The following LSM6 variants were observed in gnomAD, a reference collection of about 807,000 sequenced individuals.
LSM6 encodes the protein U6 snRNA-associated Sm-like protein LSm6.
Under a neutral mutation model 13.5 loss-of-function variants are expected in LSM6, and 2 were observed. The observed-to-expected ratio is 0.15, with a 90% CI of 0.06 to 0.47. LSM6 has a LOEUF of 0.47. Ranked by LOEUF, LSM6 falls within the 20% of genes least tolerant of loss-of-function variation. The probability of loss-of-function intolerance (pLI) is 0.97; values close to 1 mark genes in which losing one functional copy is unlikely to be tolerated. For synonymous variants in LSM6, 43 were observed against 34.9 expected (o/e 1.23, Z -0.82); for missense variants, 58 against 96.4 (o/e 0.60, Z 1.67).
rs908578570 is a variant in LSM6, at chr4:146,190,588, A to G, written c.*932A>G. The G allele has an allele frequency of 2.0e-5, 3 of 152,224 alleles. No individual in the cohort carries two copies. Among genetic ancestry groups the G allele is most frequent in the African/African-American group, 7.2e-5 (3 of 41,438 alleles). The allele number at this position is 152,224 out of a possible 1,614,324, so 9.4% of individuals were successfully genotyped here. On this transcript the variant is annotated 3_prime_UTR_variant, in exon 4 of 4. Transcript: ENST00000296581. Reference sequence around the variant, plus strand: ...AAAATCAGCTGTATTTGCCTTTGACATTGTCCAGGAGCAGAGCACCAGGCT... The same window carrying G: ...AAAATCAGCTGTATTTGCCTTTGACGTTGTCCAGGAGCAGAGCACCAGGCT...
At chr4:146,176,333 C>T (rs971127209) in intron 1 of LSM6, 1 of 152,282 alleles carries the variant, frequency 6.6e-6, no homozygotes, top group Admixed American at 6.5e-5. Context: ...CCTGTCTTAC[C>T]AAGTTGTCAG....
intron 1 of LSM6, among the ~76,000 whole-genome samples, chr4:146,177,183 C>T (rs1730130330): frequency 6.6e-6 from 1 of 152,152 alleles, no homozygotes; most frequent in Admixed American, 6.5e-5. Context: ...TTATCCAAGT[C>T]ACACAGCTAA....
intron 3 of LSM6, among the ~76,000 whole-genome samples, chr4:146,188,985 CTT>C (rs574933137): frequency 0.23 from 30,756 of 130,968 alleles, 3,839 homozygotes; most frequent in Middle Eastern, 0.31. Context: ...TGAAAAGCAT[CTT>C]TTTTTTTTTT....
Position 146,190,720 on chromosome 4 carries a change from A to G in LSM6, c.*1064A>G, listed in dbSNP as rs1405203057. ...CACAACCCTGCTTTATTCTCCAAAC[A>G]GTTTTACGCTGTCTCTAGGAACAAC... On this transcript the variant is annotated 3_prime_UTR_variant, in exon 4 of 4. Transcript: ENST00000296581. 1 of 152,230 alleles carries G rather than the reference A, an allele frequency of 6.6e-6. No homozygotes were observed. The highest frequency in any genetic ancestry group is 1.5e-5 in the Non-Finnish European group (1 of 68,048). 9.4% of individuals were successfully genotyped at this position (152,230 alleles called of 1,614,324 possible).
At chr4:146,182,804 T>C in intron 1 of LSM6, 108 bp from the exon 2 acceptor site, 1 of 687,470 alleles carries the variant, frequency 1.5e-6, no homozygotes, top group Admixed American at 2.2e-5. Context: ...TCTCGCATGG[T>C]CCTTTGATAC....
At chr4:146,178,605 A>G (rs1730164300) in intron 1 of LSM6, among the ~76,000 whole-genome samples, 3 of 152,220 alleles carry the variant, frequency 2.0e-5, no homozygotes, top group African/African-American at 7.2e-5. Flanking sequence ...TAAACTGTAA[A>G]TACGCCAGGA....
At chr4:146,183,803 C>G (rs552620014) in intron 2 of LSM6, among the ~76,000 whole-genome samples, 53 of 150,356 alleles carry the variant, frequency 3.5e-4, no homozygotes, top group South Asian at 1.5e-3. Flanking sequence ...TACATAGATA[C>G]GTTCTTTAGT....
intron 1 of LSM6, among the ~76,000 whole-genome samples, chr4:146,178,366 C>T (rs1225882598): frequency 6.6e-6 from 1 of 152,144 alleles, no homozygotes; most frequent in Non-Finnish European, 1.5e-5. Context: ...ACTCACTTCG[C>T]CTTTGGGAGA....
In LSM6 at chr4:146,191,498, A is replaced by T. The variant is rs913946413; in HGVS notation, c.*1842A>T. On this transcript the variant is annotated 3_prime_UTR_variant, in exon 4 of 4. Transcript: ENST00000296581. ...AAGATCAACTTTGGGAAGTGCTGCCATTTTTATGGTAATAAAGGACTGTAT... is the reference window on the plus strand; with the variant it reads ...AAGATCAACTTTGGGAAGTGCTGCCTTTTTTATGGTAATAAAGGACTGTAT... The T allele has an allele frequency of 1.3e-5, 2 of 152,246 alleles. No homozygotes were observed. The highest frequency in any genetic ancestry group is 4.8e-5 in the African/African-American group (2 of 41,464). 9.4% of individuals were successfully genotyped at this position (152,246 alleles called of 1,614,324 possible).
At position 146,190,487 on chromosome 4, in the gene LSM6, T is replaced by A. The variant is rs1409035702; in HGVS notation, c.*831T>A. 2 of 152,272 alleles carry A rather than the reference T, an allele frequency of 1.3e-5. No individual in the cohort carries two copies. Among genetic ancestry groups the A allele is most frequent in the Non-Finnish European group, 2.9e-5 (2 of 68,060 alleles). 9.4% of individuals were successfully genotyped at this position (152,272 alleles called of 1,614,324 possible). On this transcript the variant is annotated 3_prime_UTR_variant, in exon 4 of 4. Transcript: ENST00000296581. ...GAGTTTGTAAACATAATTCAGGTTC[T>A]AATTGCCGAGCTGAGATTGGGAAAG...
chr4:146,181,484 C>G (rs1030858672), intron 1 of LSM6, among the ~76,000 whole-genome samples: 10 of 152,196 alleles, frequency 6.6e-5, no homozygotes, highest in African/African-American at 2.4e-4. Flanking sequence ...TTCCAGCTTA[C>G]TACAACTGCT....
chr4:146,177,740 A>C (rs900706075), intron 1 of LSM6, among the ~76,000 whole-genome samples: 3 of 152,022 alleles, frequency 2.0e-5, no homozygotes, highest in Non-Finnish European at 4.4e-5. Flanking sequence ...CCGTCCTGTT[A>C]GTTGTAAAAT....
chr4:146,181,872 T>C (rs971879844), intron 1 of LSM6, among the ~76,000 whole-genome samples: 7 of 152,202 alleles, frequency 4.6e-5, no homozygotes, highest in Admixed American at 4.6e-4. Context: ...TAAGAAAAGA[T>C]GCGTTTTGAA....
chr4:146,181,438 A>G (rs1035067666), intron 1 of LSM6: 1 of 152,172 alleles, frequency 6.6e-6, no homozygotes, highest in African/African-American at 2.4e-5. Context: ...CAGTGTGTAC[A>G]TGTACATGTA....
At chr4:146,189,391 G>A (rs778323658) in intron 3 of LSM6, among the ~76,000 whole-genome samples, 7 of 152,186 alleles carry the variant, frequency 4.6e-5, no homozygotes, top group Non-Finnish European at 1.0e-4. Flanking sequence ...ACACTTTAAA[G>A]AGTCAGTGAG....
At chr4:146,183,291 C>G (rs192617983) in intron 2 of LSM6, 4 of 315,696 alleles carry the variant, frequency 1.3e-5, no homozygotes, top group Admixed American at 8.8e-5. Context: ...CTGGTAATAG[C>G]TAGGTATTCC....
intron 3 of LSM6, among the ~76,000 whole-genome samples, chr4:146,188,181 A>C (rs911455336): frequency 6.6e-6 from 1 of 152,122 alleles, no homozygotes; most frequent in African/African-American, 2.4e-5. Context: ...ATTTCTTCAT[A>C]TCATATTTTT....
At chr4:146,176,721 CCA>C (rs1308361887) in intron 1 of LSM6, 4 of 151,824 alleles carry the variant, frequency 2.6e-5, no homozygotes, top group Non-Finnish European at 5.9e-5. Context: ...ATTGTGGGTC[CCA>C]GTTTAGGTCC....
chr4:146,182,084 G>T (rs773952341), intron 1 of LSM6, among the ~76,000 whole-genome samples: 1 of 152,324 alleles, frequency 6.6e-6, no homozygotes, highest in Non-Finnish European at 1.5e-5. Flanking sequence ...GTTTAAGGTT[G>T]TGATTAAGAG....
Sources: gnomAD v4.1 joint callset for allele counts (sites outside exome capture counted in the v4.1 genomes callset) on GRCh38, gnomAD v4.1.1 for gene constraint, MANE v1.5 for transcripts, NCBI Gene and HGNC (gene_info 2026-07-23, HGNC 2026-07-21) for gene names.